The following ARHGAP5 variants were observed in gnomAD, a reference collection of about 807,000 sequenced individuals.
ARHGAP5 encodes the protein rho GTPase-activating protein 5.
In ARHGAP5, 23 loss-of-function variants were observed where a neutral mutation model predicts 116.6. The observed-to-expected ratio is 0.20, with a 90% CI of 0.14 to 0.28. The LOEUF is 0.28. ARHGAP5 is among the 10% of genes least tolerant of loss of function. ARHGAP5 has a pLI of 1.00. For missense variants in ARHGAP5, 1,405 were observed against 1,774.8 expected, an observed-to-expected ratio of 0.79 and a Z score of 3.74; for synonymous variants, 574 against 602.0, an observed-to-expected ratio of 0.95 and a Z score of 0.68.
chr14:32,100,925 C>T (rs973386421), intron 2 of ARHGAP5, among the ~76,000 whole-genome samples: 10 of 152,024 alleles, frequency 6.6e-5, no homozygotes, highest in Admixed American at 2.6e-4. Flanking sequence ...GTGTTAAACA[C>T]GTGTGTTTAA....
intron 3 of ARHGAP5, among the ~76,000 whole-genome samples, chr14:32,141,295 A>G (rs1392272307): frequency 1.3e-5 from 2 of 152,114 alleles, no homozygotes; most frequent in Non-Finnish European, 2.9e-5. Context: ...GGAGATTTCA[A>G]ATTATTTTCT....
intron 3 of ARHGAP5, among the ~76,000 whole-genome samples, chr14:32,139,242 G>C (rs890036559): frequency 6.6e-6 from 1 of 152,172 alleles, no homozygotes; most frequent in East Asian, 1.9e-4. Flanking sequence ...AGCTTCATAG[G>C]AAGTGTTTCT....
chr14:32,103,591 G>T (rs1036481841), intron 2 of ARHGAP5, among the ~76,000 whole-genome samples: 4 of 152,164 alleles, frequency 2.6e-5, no homozygotes, highest in Non-Finnish European at 5.9e-5. Flanking sequence ...GTGTTCTTAT[G>T]TTAATGGACA....
At chr14:32,129,950 A>G (rs1205663287) in intron 3 of ARHGAP5, among the ~76,000 whole-genome samples, 1 of 152,130 alleles carries the variant, frequency 6.6e-6, no homozygotes, top group African/African-American at 2.4e-5. Flanking sequence ...CTGTAATACC[A>G]GTACTTTTGG....
Position 32,077,413 on chromosome 14 carries a change from A to G in ARHGAP5, c.-191A>G. The G allele has an allele frequency of 2.8e-6, 2 of 706,114 alleles. 1 individual carries two copies. Among genetic ancestry groups the G allele is most frequent in the South Asian group, 3.0e-5 (2 of 67,730 alleles). 43.7% of individuals were successfully genotyped at this position (706,114 alleles called of 1,614,324 possible). On this transcript the variant is annotated 5_prime_UTR_variant, in exon 1 of 7. Transcript: ENST00000345122. The stretch of plus-strand genomic sequence containing the variant: ...CGGGGCCGCTGCCGTTGAGGAGGAG[A>G]CGGAGGAGACCGACGTTGTTAGGTA...
At chr14:32,134,952 A>G (rs1477093723) in intron 3 of ARHGAP5, among the ~76,000 whole-genome samples, 1 of 152,190 alleles carries the variant, frequency 6.6e-6, no homozygotes, top group Non-Finnish European at 1.5e-5. Flanking sequence ...TCATTCTTAT[A>G]TTTAATTCTC....
chr14:32,132,976 T>C (rs1313587988), intron 3 of ARHGAP5, among the ~76,000 whole-genome samples: 5 of 152,210 alleles, frequency 3.3e-5, no homozygotes, highest in African/African-American at 1.2e-4. Flanking sequence ...CCATGCTGTT[T>C]TGGTTACTGT....
At position 32,156,682 on chromosome 14, in the gene ARHGAP5, A is replaced by T. The variant is rs1165358165; in HGVS notation, c.*1734A>T. On this transcript the variant is annotated 3_prime_UTR_variant, in exon 7 of 7. Transcript: ENST00000345122. ...ATTCTTAACCTGTTCTATATTACTT[A>T]TACCTATTGTCTATATAGCTTTAAT... 1 of 152,390 alleles carries T rather than the reference A, an allele frequency of 6.6e-6. No individual in the cohort carries two copies. Among genetic ancestry groups the T allele is most frequent in the Non-Finnish European group, 1.5e-5 (1 of 67,816 alleles). The allele number at this position is 152,390 out of a possible 1,614,324, so 9.4% of individuals were successfully genotyped here.
chr14:32,132,089 G>C (rs531750144), intron 3 of ARHGAP5, among the ~76,000 whole-genome samples: 1 of 152,194 alleles, frequency 6.6e-6, no homozygotes, highest in South Asian at 2.1e-4. Context: ...TAATCCTTTA[G>C]GTATATACCC....
chr14:32,143,202 AGTT>A (rs140378018), intron 3 of ARHGAP5, among the ~76,000 whole-genome samples: 4,313 of 145,398 alleles, frequency 0.03, 104 homozygotes, highest in African/African-American at 0.064. Context: ...ACATTATTTT[AGTT>A]GTTGTTGTTG....
chr14:32,148,194 CTAT>C (rs1566685055), intron 4 of ARHGAP5, among the ~76,000 whole-genome samples: 1 of 151,752 alleles, frequency 6.6e-6, no homozygotes, highest in Non-Finnish European at 1.5e-5. Context: ...ATCTATCTAT[CTAT>C]CTATCTATCT....
Position 32,091,520 on chromosome 14 carries a change from G to T in ARHGAP5, c.851G>T (p.Arg284Ile). The change falls in exon 2 of 7, where the codon AGA becomes ATA. Residue 284 changes from arginine (R) to isoleucine (I), a missense_variant. Physicochemically the swap from Arg to Ile is moderately conservative, Grantham distance 97. This residue lies in a region of ARHGAP5 where 944 missense variants were observed against 1,095.3 expected (regional missense o/e 0.86). Coordinates refer to ENST00000345122, the MANE Select transcript of ARHGAP5 (RefSeq NM_001030055.2). ...DKFEKLVQTVRDYHATWKTVS... is the reference protein window; with the variant it reads ...DKFEKLVQTVIDYHATWKTVS... ...TTTGAAAAACTTGTGCAGACTGTGA[G>T]AGATTATCATGCAACTTGGAAAACT... The T allele has an allele frequency of 6.2e-7, 1 of 1,613,018 alleles. No homozygotes were observed. Among genetic ancestry groups the T allele is most frequent in the South Asian group, 1.1e-5 (1 of 90,802 alleles).
chr14:32,098,542 G>A (rs1220990538), intron 2 of ARHGAP5, among the ~76,000 whole-genome samples: 2 of 152,092 alleles, frequency 1.3e-5, no homozygotes, highest in African/African-American at 4.8e-5. Context: ...TCTTAAAGGA[G>A]GTCAGTGTGT....
chr14:32,090,901 A>T lies in ARHGAP5; in HGVS notation c.232A>T (p.Ile78Leu), dbSNP rs1304155191. The T allele has an allele frequency of 6.2e-7, 1 of 1,613,658 alleles. No individual in the cohort carries two copies. The highest frequency in any genetic ancestry group is 8.5e-7 in the Non-Finnish European group (1 of 1,179,618). ...NNDHFLYWGD[I>L]IQNSEDGVEC... is the part of the protein sequence containing the mutation. Reference sequence around the variant, plus strand: ...TGATCACTTTTTGTACTGGGGTGACATAATACAAAATAGTGAAGATGGAGT... The same window carrying T: ...TGATCACTTTTTGTACTGGGGTGACTTAATACAAAATAGTGAAGATGGAGT... The change falls in exon 2 of 7, where the codon ATA (isoleucine) becomes TTA (leucine). Residue 78 changes from isoleucine (I) to leucine (L), a missense_variant. Ile to Leu is a conservative substitution (Grantham distance 5). Transcript: ENST00000345122.
intron 3 of ARHGAP5, among the ~76,000 whole-genome samples, chr14:32,144,625 A>T (rs994614813): frequency 1.3e-5 from 2 of 152,040 alleles, no homozygotes; most frequent in Admixed American, 6.6e-5. Flanking sequence ...CTGAGATTAC[A>T]AGCGCCCACC....
intron 1 of ARHGAP5, among the ~76,000 whole-genome samples, chr14:32,089,113 A>G (rs184843014): frequency 7.0e-4 from 107 of 152,044 alleles, no homozygotes; most frequent in South Asian, 1.2e-3. Flanking sequence ...GATGGAATAA[A>G]CTTCTAAAAT....
At chr14:32,126,740 A>G (rs1042615304) in intron 3 of ARHGAP5, among the ~76,000 whole-genome samples, 2 of 151,404 alleles carry the variant, frequency 1.3e-5, no homozygotes, top group Non-Finnish European at 2.9e-5. Context: ...TAATCATGTT[A>G]TTTTTCTTTT....
rs1881922397 is a variant in ARHGAP5 at position 32,157,074 on chromosome 14, C to T, written c.*2126C>T. On this transcript the variant is annotated 3_prime_UTR_variant, in exon 7 of 7. Coordinates refer to ENST00000345122, the MANE Select transcript of ARHGAP5 (RefSeq NM_001030055.2). ...TTTTTCACATTAACCCACCTTGCAC[C>T]TTCCCCCAAACTTATCTCCACTTTT... The T allele has an allele frequency of 6.6e-6, 1 of 152,282 alleles. No homozygotes were observed. The highest frequency in any genetic ancestry group is 1.5e-5 in the Non-Finnish European group (1 of 67,782). The allele number at this position is 152,282 out of a possible 1,614,324, so 9.4% of individuals were successfully genotyped here. A position where few individuals can be genotyped will look rare whatever the true frequency, so the allele number is the denominator to read the frequency against.
At chr14:32,144,270 C>T (rs1881269477) in intron 3 of ARHGAP5, among the ~76,000 whole-genome samples, 1 of 151,974 alleles carries the variant, frequency 6.6e-6, no homozygotes, top group African/African-American at 2.4e-5. Flanking sequence ...ATCTAGAGAA[C>T]AATGAAGTAT....
Sources: gnomAD v4.1 joint callset for allele counts (sites outside exome capture counted in the v4.1 genomes callset) on GRCh38, gnomAD v4.1.1 for gene constraint, gnomAD v4.1.1 regional missense constraint, MANE v1.5 for transcripts, NCBI Gene and HGNC (gene_info 2026-07-23, HGNC 2026-07-21) for gene names.